The following KAZN variants were observed in gnomAD, a reference collection of about 807,000 sequenced individuals.
The protein encoded by KAZN is kazrin, periplakin interacting protein.
KAZN carries 40 observed loss-of-function variants against 87.4 expected under a neutral mutation model. That is an observed-to-expected ratio of 0.46 (90% CI 0.36 to 0.60). KAZN has a LOEUF of 0.60. Among genes scored for constraint, KAZN ranks in the 20% least tolerant of loss-of-function variants. The probability of loss-of-function intolerance (pLI) is 0.00; values close to 1 mark genes in which losing one functional copy is unlikely to be tolerated. For synonymous variants in KAZN, 466 were observed against 458.3 expected (o/e 1.02, Z -0.22); for missense variants, 898 against 1,073.9 (o/e 0.84, Z 2.29).
At chr1:14,516,815 CCTT>C (rs758158497) in intron 2 of KAZN, among the ~76,000 whole-genome samples, 18 of 152,220 alleles carry the variant, frequency 1.2e-4, no homozygotes, top group South Asian at 2.1e-4. Flanking sequence ...CAAGAACCAG[CCTT>C]CTTCTTCTTT....
At chr1:14,439,860 C>G (rs1666600019) in intron 2 of KAZN, among the ~76,000 whole-genome samples, 1 of 152,188 alleles carries the variant, frequency 6.6e-6, no homozygotes, top group African/African-American at 2.4e-5. Context: ...AGCACAGGCT[C>G]TACACTCTGT....
chr1:14,794,394 T>C (rs1202313360), intron 1 of KAZN, among the ~76,000 whole-genome samples: 2 of 152,150 alleles, frequency 1.3e-5, no homozygotes, highest in Non-Finnish European at 1.5e-5. Flanking sequence ...AGGCAACAGA[T>C]CTCTGGATTT....
rs1012715436 is a variant in KAZN at position 14,599,357 on chromosome 1, C to T, written c.226+134C>T. 1.1e-6 allele frequency: 1 copy of T among 950,676 alleles called. No individual in the cohort carries two copies. Among genetic ancestry groups the T allele is most frequent in the Non-Finnish European group, 1.4e-6 (1 of 735,898 alleles). The allele number at this position is 950,676 out of a possible 1,614,324, so 58.9% of individuals were successfully genotyped here. On this transcript the variant is annotated intron_variant, in intron 1 of 14. Transcript: ENST00000376030. The surrounding 1 kb of genome is among the most constrained non-coding windows in gnomAD (Gnocchi z 4.4). ...ATTCTGGCTTGTAACCCTTTCCGCC[C>T]GGCGGTGGCCACCGCTGCTCTCCGG...
chr1:14,902,590 G>A (rs1436284623), intron 1 of KAZN, among the ~76,000 whole-genome samples: 1 of 152,088 alleles, frequency 6.6e-6, no homozygotes, highest in East Asian at 1.9e-4. Context: ...TTCAGCTAGA[G>A]CCAGAAAAAT....
At chr1:14,179,868 T>C (rs1646159405) in intron 1 of KAZN, among the ~76,000 whole-genome samples, 1 of 152,160 alleles carries the variant, frequency 6.6e-6, no homozygotes. Flanking sequence ...TTAAAATCTA[T>C]AACACATCAG....
At chr1:14,702,313 T>A (rs1641965897) in intron 1 of KAZN, among the ~76,000 whole-genome samples, 1 of 138,610 alleles carries the variant, frequency 7.2e-6, no homozygotes, top group African/African-American at 2.6e-5. Flanking sequence ...AAAATGCTGA[T>A]ATTTTTGCAA....
At chr1:13,937,765 C>T (rs932103235) in intron 1 of KAZN, among the ~76,000 whole-genome samples, 1 of 152,110 alleles carries the variant, frequency 6.6e-6, no homozygotes, top group Non-Finnish European at 1.5e-5. Flanking sequence ...TTTCCTAGCA[C>T]CATTTATTGA....
rs556121215 is a variant in KAZN at position 14,185,380 on chromosome 1, C to T, written c.249+4788C>T. Among the ~76,000 whole-genome samples, 64 of 152,306 alleles carry T rather than the reference C, an allele frequency of 4.2e-4. 1 individual carries two copies. In the South Asian group the frequency reaches 7.0e-3, roughly 17 times the overall value. ...GTAAAAGTCATAGGAGAAAGAAATA[C>T]TTATATGGATGCTGAAGAATTTAGT... On this transcript the variant is annotated intron_variant, in intron 2 of 16. Transcript: ENST00000636203.
intron 1 of KAZN, among the ~76,000 whole-genome samples, chr1:14,957,590 G>A (rs1663283895): frequency 6.6e-6 from 1 of 152,236 alleles, no homozygotes; most frequent in Non-Finnish European, 1.5e-5. Context: ...CTGCCGTGCT[G>A]TTGACGCTGG....
At chr1:14,669,034 G>C (rs551909215) in intron 1 of KAZN, among the ~76,000 whole-genome samples, 1 of 152,138 alleles carries the variant, frequency 6.6e-6, no homozygotes, top group Non-Finnish European at 1.5e-5. Context: ...TATGCTATTC[G>C]TAAACATCTT....
At chr1:14,834,981 G>A (rs896424190) in intron 1 of KAZN, among the ~76,000 whole-genome samples, 2 of 152,216 alleles carry the variant, frequency 1.3e-5, no homozygotes, top group South Asian at 2.1e-4. Flanking sequence ...TAAAAAAAGA[G>A]TAGGTTCCCT....
At chr1:14,562,280 G>A (rs1174410266) in intron 2 of KAZN, among the ~76,000 whole-genome samples, 2 of 152,200 alleles carry the variant, frequency 1.3e-5, no homozygotes, top group Non-Finnish European at 2.9e-5. Context: ...CAACAGCAAG[G>A]GAAGTGGAGG....
intron 1 of KAZN, among the ~76,000 whole-genome samples, chr1:14,831,547 G>C (rs1647049557): frequency 6.6e-6 from 1 of 152,186 alleles, no homozygotes; most frequent in South Asian, 2.1e-4. Context: ...CAGTTTCTCA[G>C]CGGCCTGGCC....
intron 1 of KAZN, among the ~76,000 whole-genome samples, chr1:14,007,826 A>AT: frequency 6.6e-6 from 1 of 152,264 alleles, no homozygotes; most frequent in Middle Eastern, 3.4e-3. Flanking sequence ...TCCGATAATG[A>AT]TTTTTAACTC....
intron 1 of KAZN, among the ~76,000 whole-genome samples, chr1:13,936,812 C>T (rs563721067): frequency 4.6e-5 from 7 of 152,210 alleles, no homozygotes; most frequent in Admixed American, 1.3e-4. Flanking sequence ...CTGTGATGAA[C>T]GTACTAGTGC....
intron 1 of KAZN, among the ~76,000 whole-genome samples, chr1:14,931,646 C>T (rs1240742921): frequency 6.6e-6 from 1 of 152,162 alleles, no homozygotes; most frequent in Non-Finnish European, 1.5e-5. Context: ...GTATCAAGTA[C>T]CCTGCGTAAT....
chr1:13,899,653 T>G (rs1202284834), intron 1 of KAZN, among the ~76,000 whole-genome samples: 1 of 151,480 alleles, frequency 6.6e-6, no homozygotes, highest in Non-Finnish European at 1.5e-5. Context: ...CCTTTTTTTT[T>G]TTTTTTTTGA....
chr1:15,094,992 G>C lies in KAZN; in HGVS notation c.1547+59G>C. ...AGAAAAAGTCATCCTGAGGCCTTTG[G>C]TCACACAGGTGGGGTGAGCGGGGCA... On this transcript the variant is annotated intron_variant, in intron 10 of 14. Coordinates refer to ENST00000376030, the MANE Select transcript of KAZN (RefSeq NM_201628.3). The surrounding 1 kb of genome is among the most constrained non-coding windows in gnomAD (Gnocchi z 4.5). The C allele has an allele frequency of 3.3e-6, 4 of 1,214,494 alleles. No homozygotes were observed. Among genetic ancestry groups the C allele is most frequent in the Non-Finnish European group, 4.7e-6 (4 of 846,954 alleles). 75.2% of individuals were successfully genotyped at this position (1,214,494 alleles called of 1,614,324 possible).
chr1:14,200,334 C>G (rs1370643420), intron 2 of KAZN, among the ~76,000 whole-genome samples: 10 of 152,132 alleles, frequency 6.6e-5, no homozygotes. Context: ...GAAGTGATCT[C>G]TGAACAGTGA....
Sources: gnomAD v4.1 joint callset for allele counts (sites outside exome capture counted in the v4.1 genomes callset) on GRCh38, gnomAD v4.1.1 for gene constraint, Gnocchi (gnomAD v3.1) non-coding constraint, MANE v1.5 for transcripts, NCBI Gene and HGNC (gene_info 2026-07-23, HGNC 2026-07-21) for gene names.